The following ABCA8 variants were observed in gnomAD, a reference collection of about 807,000 sequenced individuals.
ABCA8 encodes the protein ATP binding cassette subfamily A member 8, also known as ABC-type organic anion transporter ABCA8.
Under a neutral mutation model 192.3 loss-of-function variants are expected in ABCA8, and 177 were observed. That is an observed-to-expected ratio of 0.92 (90% confidence interval 0.81 to 1.04). The LOEUF is 1.04. Among genes scored for constraint, ABCA8 ranks in the 50% least tolerant of loss-of-function variants. The probability of loss-of-function intolerance (pLI) is 0.00; values close to 1 mark genes in which losing one functional copy is unlikely to be tolerated. For synonymous variants in ABCA8, 642 were observed against 690.2 expected, an observed-to-expected ratio of 0.93 and a Z score of 1.09; for missense variants, 1,915 against 1,904.8, an observed-to-expected ratio of 1.01 and a Z score of -0.10.
At chr17:68,902,074 G>A (rs747345143) in intron 21 of ABCA8, among the ~76,000 whole-genome samples, 2 of 152,154 alleles carry the variant, frequency 1.3e-5, no homozygotes, top group Non-Finnish European at 2.9e-5. Flanking sequence ...TAAATAAATT[G>A]TGGTATAACC....
chr17:68,877,613 C>T lies in ABCA8; in HGVS notation c.4105G>A (p.Ala1369Thr), dbSNP rs747796104. 2.5e-5 allele frequency: 40 copies of T among 1,614,024 alleles called. No individual in the cohort carries two copies. The Middle Eastern group carries it at 4.9e-4, about 20-fold the overall frequency. ...EFLGYCPQEN[A>T]LWPNLTVRQH... is the part of the protein sequence containing the mutation. ...CTCACTGTCAGGTTGGGCCACAGCG[C>T]GTTCTCCTGAGGGCAGTACCCCAGG... The change falls in exon 33 of 40, where the codon GCG becomes ACG. Residue 1369 changes from alanine (A) to threonine (T), a missense_variant. Coordinates refer to ENST00000586539, the MANE Select transcript of ABCA8 (RefSeq NM_001288985.2).
rs769246511 is a variant in ABCA8, at chr17:68,919,412, C to G, written c.1677G>C (p.Leu559=). The G allele has an allele frequency of 1.2e-6, 2 of 1,614,028 alleles. No individual in the cohort carries two copies. The highest frequency in any genetic ancestry group is 1.1e-5 in the South Asian group (1 of 91,058). ...EMADLENLSK[L]TGVCPQSNVQ... is the part of the protein sequence containing the mutation. Reference sequence around the variant, plus strand: ...CATTGGATTGTGGACAAACTCCGGTCAGCTTGCTGAGATTTTCTAGGTCAG... The same window carrying G: ...CATTGGATTGTGGACAAACTCCGGTGAGCTTGCTGAGATTTTCTAGGTCAG... Residue 559 remains leucine, a synonymous_variant, in exon 14 of 40, where the codon CTG becomes CTC. Coordinates refer to ENST00000586539, the MANE Select transcript of ABCA8 (RefSeq NM_001288985.2).
chr17:68,927,038 C>T (rs2067720676), intron 10 of ABCA8, among the ~76,000 whole-genome samples: 1 of 152,056 alleles, frequency 6.6e-6, no homozygotes, highest in Non-Finnish European at 1.5e-5. Flanking sequence ...GGTGGATTAC[C>T]TGAGATCAGG....
intron 24 of ABCA8, among the ~76,000 whole-genome samples, chr17:68,888,949 G>T (rs2066560326): frequency 6.6e-6 from 1 of 152,168 alleles, no homozygotes; most frequent in Non-Finnish European, 1.5e-5. Flanking sequence ...AATCTCCAAA[G>T]GAGACAAACA....
At chr17:68,949,750 A>C (rs1188607238) in intron 1 of ABCA8, among the ~76,000 whole-genome samples, 2 of 152,222 alleles carry the variant, frequency 1.3e-5, no homozygotes, top group African/African-American at 2.4e-5. Context: ...ACATCCCTTC[A>C]TGTTAAAACC....
Position 68,876,448 on chromosome 17 carries a change from A to G in ABCA8, c.4370+12T>C, listed in dbSNP as rs1297891752. The G allele has an allele frequency of 1.2e-6, 2 of 1,613,896 alleles. No homozygotes were observed. Among genetic ancestry groups the G allele is most frequent in the East Asian group, 2.2e-5 (1 of 44,872 alleles). ...CATCCGTGCTGTCCCTGACCGTGGT[A>G]ATGTTCCTCACCACATTTGCTGCTG... On this transcript the variant is annotated intron_variant, in intron 35 of 39. Transcript: ENST00000586539.
chr17:68,875,227 T>C, intron 37 of ABCA8, 33 bp downstream of exon 37: 2 of 1,612,114 alleles, frequency 1.2e-6, no homozygotes, highest in Non-Finnish European at 8.5e-7. Flanking sequence ...AGTGAACATT[T>C]GGTACCATTT....
At chr17:68,917,704 A>AT (rs2067411329) in intron 16 of ABCA8, among the ~76,000 whole-genome samples, 1 of 152,210 alleles carries the variant, frequency 6.6e-6, no homozygotes, top group Non-Finnish European at 1.5e-5. Flanking sequence ...CCCATTATAT[A>AT]TTTTAACAGA....
chr17:68,922,398 ATGAAGATC>A, intron 11 of ABCA8, 98 bp from the exon 12 acceptor site: 1 of 853,968 alleles, frequency 1.2e-6, no homozygotes, highest in Non-Finnish European at 1.7e-6. Context: ...TTCAGGATAC[ATGAAGATC>A]TGGGTCTTCA....
rs1477575114 is a variant in ABCA8, at chr17:68,929,196, T to C, written c.978A>G (p.Lys326=). 1 of 1,605,674 alleles carries C rather than the reference T, an allele frequency of 6.2e-7. No individual in the cohort carries two copies. The highest frequency in any genetic ancestry group is 1.7e-5 in the Admixed American group (1 of 58,996). The change falls in exon 9 of 40, where the codon AAA becomes AAG. Residue 326 remains lysine, a synonymous_variant. Coordinates refer to ENST00000586539, the MANE Select transcript of ABCA8 (RefSeq NM_001288985.2). ...ACACGACCAGGCCGGTGAGGAAAGA[T>C]TTCTTTACCAAGATGCTCATTAAGA... ...LAFLMSILVK[K]SFLTGLVVFL...
intron 37 of ABCA8, among the ~76,000 whole-genome samples, chr17:68,874,861 G>A (rs908551819): frequency 6.6e-6 from 1 of 152,096 alleles, no homozygotes; most frequent in African/African-American, 2.4e-5. Context: ...TTTACCTCTT[G>A]GTTCTGCCAC....
intron 14 of ABCA8, 54 bp from the exon 15 acceptor site, chr17:68,918,600 A>C: frequency 1.4e-6 from 2 of 1,426,552 alleles, no homozygotes; most frequent in Non-Finnish European, 1.8e-6. Context: ...CTTTTTTAAA[A>C]ATTTATAAAT....
rs563925309 is a variant in ABCA8, at chr17:68,913,760, A to G, written c.2138+3601T>C. 1.8e-4 allele frequency among the ~76,000 whole-genome samples: 28 copies of G among 152,184 alleles called. No individual in the cohort carries two copies. The South Asian group carries it at 5.8e-3, about 31-fold the overall frequency. On this transcript the variant is annotated intron_variant, in intron 17 of 39. Coordinates refer to ENST00000586539, the MANE Select transcript of ABCA8 (RefSeq NM_001288985.2). Reference sequence around the variant, plus strand: ...ATAATAAAAAGTCTTTCAGCAGAGAATTCACTGCTGAATTCTACCAAATAC... The same window carrying G: ...ATAATAAAAAGTCTTTCAGCAGAGAGTTCACTGCTGAATTCTACCAAATAC...
In ABCA8 at chr17:68,929,634, C is replaced by T. The variant is rs750608855; in HGVS notation, c.866G>A (p.Arg289Lys). 2 of 1,613,602 alleles carry T rather than the reference C, an allele frequency of 1.2e-6. No homozygotes were observed. The highest frequency in any genetic ancestry group is 1.7e-6 in the Non-Finnish European group (2 of 1,179,708). ...AGACAAAATGATAAACTGGGTAGAT[C>T]TTATAACAAGTGCCAAGAAAAGGGC... is the stretch of plus-strand genomic sequence containing the variant. ...IMALFLALVI[R>K]STQFIILSGF... Residue 289 changes from arginine to lysine, a missense_variant, in exon 8 of 40, where the codon AGA becomes AAA. Transcript: ENST00000586539.
chr17:68,884,587 A>G (rs567145868), intron 27 of ABCA8, 191 bp from the exon 28 acceptor site: 2 of 1,285,412 alleles, frequency 1.6e-6, no homozygotes, highest in East Asian at 6.4e-5. Context: ...GTTTGAAGCA[A>G]TAGGATTTAT....
At chr17:68,924,606 T>C in intron 11 of ABCA8, 95 bp downstream of exon 11, 2 of 1,375,594 alleles carry the variant, frequency 1.5e-6, no homozygotes, top group Non-Finnish European at 9.8e-7. Flanking sequence ...AGGTGGGAAC[T>C]GTCTACAGAG....
chr17:68,950,071 A>G (rs2068527521), intron 1 of ABCA8, among the ~76,000 whole-genome samples: 1 of 152,226 alleles, frequency 6.6e-6, no homozygotes. Flanking sequence ...AAACTCCTTA[A>G]GCTGGTAGGC....
chr17:68,936,966 G>T lies in ABCA8; in HGVS notation c.451C>A (p.His151Asn). ...LGHGMPAKKE[H>N]KDHTAHCYET... The stretch of plus-strand genomic sequence containing the variant: ...ATAAAATTACCTGTATGGTCCTTGT[G>T]CTCCTTCTTTGCTGGCATTCCATGT... The change falls in exon 5 of 40, where the codon CAC becomes AAC. Residue 151 changes from histidine to asparagine, a missense_variant. Physicochemically the swap from His to Asn is moderately conservative, Grantham distance 68. Coordinates refer to ENST00000586539, the MANE Select transcript of ABCA8 (RefSeq NM_001288985.2). 6.2e-7 allele frequency: 1 copy of T among 1,601,606 alleles called. No homozygotes were observed.
At chr17:68,892,666 C>T (rs1161876956) in intron 23 of ABCA8, among the ~76,000 whole-genome samples, 1 of 152,164 alleles carries the variant, frequency 6.6e-6, no homozygotes, top group Non-Finnish European at 1.5e-5. Flanking sequence ...TTCACAGTCA[C>T]AAAATGTTAA....
Sources: allele counts gnomAD v4.1 joint callset (sites outside exome capture counted in the v4.1 genomes callset), GRCh38; gene constraint gnomAD v4.1.1; transcripts MANE v1.5; gene names NCBI Gene and HGNC (gene_info 2026-07-23, HGNC 2026-07-21).